The following CPNE4 variants were observed in gnomAD, a reference collection of about 807,000 sequenced individuals.
The protein encoded by CPNE4 is copine 4, also known as copine-4.
CPNE4 carries 25 observed loss-of-function variants against 67.9 expected under a neutral mutation model. That is an observed-to-expected ratio of 0.37 (90% CI 0.27 to 0.51). The LOEUF (loss-of-function observed/expected upper bound fraction) is 0.51. Among genes scored for constraint, CPNE4 ranks in the 20% least tolerant of loss-of-function variants. The pLI is 0.93. For missense variants in CPNE4, 464 were observed against 690.8 expected, an observed-to-expected ratio of 0.67 and a Z score of 3.68; for synonymous variants, 242 against 244.9, an observed-to-expected ratio of 0.99 and a Z score of 0.11.
chr3:131,550,569 G>T (rs1302144368), intron 13 of CPNE4, among the ~76,000 whole-genome samples: 1 of 152,034 alleles, frequency 6.6e-6, no homozygotes, highest in Non-Finnish European at 1.5e-5. Flanking sequence ...GACTCTAGTA[G>T]ATACTACCCG....
In CPNE4 at chr3:131,819,988, T is replaced by C. The variant is rs2084904513; in HGVS notation, c.180+85276A>G. On this transcript the variant is annotated intron_variant, in intron 2 of 15. Coordinates refer to ENST00000429747, the MANE Select transcript of CPNE4 (RefSeq NM_130808.3). ...CTTTTGGAATCAAACCAAACTACAT[T>C]TGAGTCCCAGTGTTGTCACTTCATG... 2.6e-5 allele frequency among the ~76,000 whole-genome samples: 4 copies of C among 152,166 alleles called. 1 individual carries two copies. The South Asian group carries it at 8.3e-4, about 32-fold the overall frequency.
chr3:131,536,108 T>A (rs886297597), intron 15 of CPNE4, among the ~76,000 whole-genome samples: 1 of 150,716 alleles, frequency 6.6e-6, no homozygotes, highest in Non-Finnish European at 1.5e-5. Context: ...GACGAGGGGG[T>A]TTAGGGGTAG....
At chr3:131,978,160 T>A (rs867566723) in intron 1 of CPNE4, among the ~76,000 whole-genome samples, 108 of 70,436 alleles carry the variant, frequency 1.5e-3, no homozygotes, top group East Asian at 1.7e-3. Flanking sequence ...AATATATAAA[T>A]ATATATAAAT....
rs34269107 is a variant in CPNE4 at position 131,728,899 on chromosome 3, C to CAA, written c.181-5276_181-5275dup. Among the ~76,000 whole-genome samples the CAA allele has an allele frequency of 8.7e-3, 780 of 89,812 alleles. 3 individuals carry two copies. Among genetic ancestry groups the CAA allele is most frequent in the Middle Eastern group, 0.026 (4 of 154 alleles). 58.9% of individuals were successfully genotyped at this position (89,812 alleles called of 152,430 possible). A position where few individuals can be genotyped will look rare whatever the true frequency, so the allele number is the denominator to read the frequency against. On this transcript the variant is annotated intron_variant, in intron 2 of 15. Transcript: ENST00000429747. ...CACTCCAGCCTGGGCAACAGAGCCTCAAAAAAAAAAAAAAAAAAAAAAAAA... is the reference window on the plus strand; with the variant it reads ...CACTCCAGCCTGGGCAACAGAGCCTCAAAAAAAAAAAAAAAAAAAAAAAAAAA...
chr3:131,994,392 C>T (rs1221803523), intron 1 of CPNE4, among the ~76,000 whole-genome samples: 1 of 135,948 alleles, frequency 7.4e-6, no homozygotes, highest in Non-Finnish European at 1.7e-5. Context: ...GAAATGTCAG[C>T]TTCTTGCTTC....
chr3:131,774,473 A>C (rs1456688475), intron 2 of CPNE4, among the ~76,000 whole-genome samples: 1 of 152,154 alleles, frequency 6.6e-6, no homozygotes, highest in East Asian at 1.9e-4. Flanking sequence ...TGAAGGAGCA[A>C]AAGTATGAAA....
At chr3:131,614,561 C>A (rs908064822) in intron 7 of CPNE4, among the ~76,000 whole-genome samples, 2 of 152,086 alleles carry the variant, frequency 1.3e-5, no homozygotes, top group Admixed American at 1.3e-4. Flanking sequence ...CAATATAGAC[C>A]ATTTCCTGTA....
At chr3:131,983,286 T>TTA (rs894227001) in intron 1 of CPNE4, among the ~76,000 whole-genome samples, 12 of 151,966 alleles carry the variant, frequency 7.9e-5, no homozygotes, top group African/African-American at 2.9e-4. Context: ...GTATATAGTT[T>TTA]TACACTACAA....
At position 131,701,515 on chromosome 3, in the gene CPNE4, A is replaced by G. The variant is rs182268218; in HGVS notation, c.361-1535T>C. On this transcript the variant is annotated intron_variant, in intron 3 of 15. Coordinates refer to ENST00000429747, the MANE Select transcript of CPNE4 (RefSeq NM_130808.3). ...ATCTCTTATCACTATCTTATATCTTATATCTTACCACTATCTCTCATTCTT... is the reference window on the plus strand; with the variant it reads ...ATCTCTTATCACTATCTTATATCTTGTATCTTACCACTATCTCTCATTCTT... Among the ~76,000 whole-genome samples, 233 of 152,340 alleles carry G rather than the reference A, an allele frequency of 1.5e-3. 2 individuals are homozygous for G. Among genetic ancestry groups the G allele is most frequent in the African/African-American group, 5.3e-3 (222 of 41,580 alleles).
rs77057866 is a variant in CPNE4 at position 131,962,985 on chromosome 3, C to T, written c.-1-57541G>A. ...CAAGATGGTCAAATAGGAACAGTTC[C>T]GGTCTGCAGCTCCCAGTGAGACCAA... On this transcript the variant is annotated intron_variant, in intron 1 of 15. Coordinates refer to ENST00000429747, the MANE Select transcript of CPNE4 (RefSeq NM_130808.3). Among the ~76,000 whole-genome samples the T allele has an allele frequency of 2.6e-5, 4 of 152,134 alleles. No individual in the cohort carries two copies. In the South Asian group the frequency reaches 8.3e-4, roughly 32 times the overall value.
intron 7 of CPNE4, among the ~76,000 whole-genome samples, chr3:131,627,863 C>A (rs1427875387): frequency 2.0e-5 from 3 of 152,114 alleles, no homozygotes; most frequent in African/African-American, 7.2e-5. Context: ...GGAGTTGTTT[C>A]TTATGAATAT....
At chr3:131,579,251 C>T (rs573428843) in intron 9 of CPNE4, among the ~76,000 whole-genome samples, 1 of 152,320 alleles carries the variant, frequency 6.6e-6, no homozygotes, top group South Asian at 2.1e-4. Flanking sequence ...GATGGCATCA[C>T]ATCTGTTTAC....
At chr3:132,006,233 G>A (rs931468695) in intron 1 of CPNE4, among the ~76,000 whole-genome samples, 1 of 152,098 alleles carries the variant, frequency 6.6e-6, no homozygotes, top group Non-Finnish European at 1.5e-5. Context: ...GGCTATGCAG[G>A]AGTCAATCCA....
At chr3:131,751,884 C>T (rs1459538238) in intron 2 of CPNE4, among the ~76,000 whole-genome samples, 3 of 151,948 alleles carry the variant, frequency 2.0e-5, no homozygotes, top group South Asian at 2.1e-4. Context: ...TACCTGGCCT[C>T]CATTGACAGC....
intron 2 of CPNE4, among the ~76,000 whole-genome samples, chr3:131,852,871 AAAAT>A (rs1177612495): frequency 1.3e-5 from 2 of 151,450 alleles, no homozygotes; most frequent in Admixed American, 6.6e-5. Context: ...ATTTAAAATA[AAAAT>A]AAATAAAATA....
intron 2 of CPNE4, among the ~76,000 whole-genome samples, chr3:131,825,511 AT>A (rs1478200229): frequency 0.028 from 4,246 of 149,102 alleles, 141 homozygotes; most frequent in South Asian, 0.091. Context: ...AAAAAAAAAC[AT>A]TGGTAACTTC....
At chr3:131,978,108 TAAA>T (rs1286577603) in intron 1 of CPNE4, among the ~76,000 whole-genome samples, 11 of 63,338 alleles carry the variant, frequency 1.7e-4, no homozygotes, top group East Asian at 7.4e-4. Context: ...TAAATATATA[TAAA>T]ATATATATAA....
intron 1 of CPNE4, among the ~76,000 whole-genome samples, chr3:132,021,996 A>G (rs954568219): frequency 6.6e-6 from 1 of 152,264 alleles, no homozygotes; most frequent in South Asian, 2.1e-4. Flanking sequence ...CATAGGGAAG[A>G]TGATATTCCC....
Position 131,954,541 on chromosome 3 carries a change from C to T in CPNE4, c.-1-49097G>A, listed in dbSNP as rs190573515. ...CTTTAAGTTCTAGGGTACATGTGCACAACGTGCAGGTATATTACATATGTA... is the reference window on the plus strand; with the variant it reads ...CTTTAAGTTCTAGGGTACATGTGCATAACGTGCAGGTATATTACATATGTA... On this transcript the variant is annotated intron_variant, in intron 1 of 15. Coordinates refer to ENST00000429747, the MANE Select transcript of CPNE4 (RefSeq NM_130808.3). 2.6e-5 allele frequency among the ~76,000 whole-genome samples: 4 copies of T among 152,260 alleles called. No homozygotes were observed. In the East Asian group the frequency reaches 5.8e-4, roughly 22 times the overall value.
Sources: gnomAD v4.1 joint callset for allele counts (sites outside exome capture counted in the v4.1 genomes callset) on GRCh38, gnomAD v4.1.1 for gene constraint, MANE v1.5 for transcripts, NCBI Gene and HGNC (gene_info 2026-07-23, HGNC 2026-07-21) for gene names.